Variants in SMG6 observed in about 807,000 individuals in gnomAD.
SMG6 encodes SMG6 nonsense mediated mRNA decay factor.
SMG6 carries 66 observed loss-of-function variants against 142.2 expected under a neutral mutation model. The ratio of observed to expected loss-of-function variants is 0.46; its 90% CI spans 0.38 to 0.57. The LOEUF is 0.57. SMG6 is among the 20% of genes least tolerant of loss of function. The pLI is 0.00. For missense variants in SMG6, 1,793 were observed against 1,832.0 expected, an observed-to-expected ratio of 0.98 and a Z score of 0.39; for synonymous variants, 779 against 702.4, an observed-to-expected ratio of 1.11 and a Z score of -1.72.
intron 13 of SMG6, among the ~76,000 whole-genome samples, chr17:2,132,372 C>A (rs1160312662): frequency 2.0e-5 from 3 of 152,178 alleles, no homozygotes; most frequent in Non-Finnish European, 4.4e-5. Flanking sequence ...AGCAACTTAA[C>A]AGCAGATGCG....
chr17:2,272,955 T>C (rs1469952347), intron 8 of SMG6, among the ~76,000 whole-genome samples: 5 of 151,802 alleles, frequency 3.3e-5, no homozygotes, highest in African/African-American at 1.2e-4. Flanking sequence ...GTCCTTTTCA[T>C]GGTGTATTTA....
At chr17:2,118,598 CTTTTT>C (rs35884470) in intron 13 of SMG6, among the ~76,000 whole-genome samples, 1 of 135,960 alleles carries the variant, frequency 7.4e-6, no homozygotes, top group African/African-American at 2.7e-5. Flanking sequence ...ATCTAGATAG[CTTTTT>C]TTTTTTTTTT....
intron 10 of SMG6, among the ~76,000 whole-genome samples, chr17:2,197,662 A>C (rs2151713359): frequency 6.6e-6 from 1 of 151,604 alleles, no homozygotes; most frequent in Non-Finnish European, 1.5e-5. Flanking sequence ...GAAAATGGGC[A>C]AAAAAAAAGA....
At chr17:2,211,273 TG>T (rs772938401) in intron 10 of SMG6, among the ~76,000 whole-genome samples, 3 of 152,092 alleles carry the variant, frequency 2.0e-5, no homozygotes, top group Admixed American at 6.6e-5. Flanking sequence ...GAACATTTTT[TG>T]GGAGGTAAAC....
intron 6 of SMG6, among the ~76,000 whole-genome samples, chr17:2,291,042 T>C (rs1031638885): frequency 1.3e-5 from 2 of 152,156 alleles, no homozygotes; most frequent in Non-Finnish European, 2.9e-5. Context: ...GAAAATGTTC[T>C]GACACATGGC....
At chr17:2,274,505 G>A (rs2074606629) in intron 8 of SMG6, among the ~76,000 whole-genome samples, 1 of 152,076 alleles carries the variant, frequency 6.6e-6, no homozygotes. Flanking sequence ...GAGAGAACAA[G>A]GTAAACAAAA....
At chr17:2,177,946 G>A (rs938480665) in intron 12 of SMG6, among the ~76,000 whole-genome samples, 1 of 152,178 alleles carries the variant, frequency 6.6e-6, no homozygotes, top group African/African-American at 2.4e-5. Flanking sequence ...GTCCACGCAG[G>A]GGTCAGAGGC....
At chr17:2,205,440 A>T (rs1282240242) in intron 10 of SMG6, among the ~76,000 whole-genome samples, 2 of 152,194 alleles carry the variant, frequency 1.3e-5, no homozygotes, top group Non-Finnish European at 2.9e-5. Context: ...TTATACCACA[A>T]TTCACAAAAG....
chr17:2,202,740 C>T (rs1329628763), intron 10 of SMG6, among the ~76,000 whole-genome samples: 1 of 152,178 alleles, frequency 6.6e-6, no homozygotes, highest in Non-Finnish European at 1.5e-5. Context: ...CAGAAAACCC[C>T]TGAGAATTGG....
chr17:2,081,187 G>A (rs186467025), intron 15 of SMG6, among the ~76,000 whole-genome samples: 2 of 152,102 alleles, frequency 1.3e-5, no homozygotes, highest in African/African-American at 2.4e-5. Flanking sequence ...TGTCTGCCCC[G>A]AGCCCTAGAG....
intron 10 of SMG6, among the ~76,000 whole-genome samples, chr17:2,226,085 G>C (rs187180776): frequency 5.3e-4 from 80 of 152,248 alleles, no homozygotes; most frequent in African/African-American, 1.9e-3. Context: ...AGACCAGCCT[G>C]ACCAACATGG....
chr17:2,107,748 G>C (rs1247698276), intron 13 of SMG6, among the ~76,000 whole-genome samples: 2 of 152,168 alleles, frequency 1.3e-5, no homozygotes, highest in Admixed American at 1.3e-4. Context: ...CCAATGGATG[G>C]GGCCAGAGAG....
At chr17:2,202,747 T>C (rs1013647432) in intron 10 of SMG6, among the ~76,000 whole-genome samples, 1 of 152,198 alleles carries the variant, frequency 6.6e-6, no homozygotes, top group Admixed American at 6.5e-5. Context: ...CCCCTGAGAA[T>C]TGGCACTGAT....
chr17:2,075,586 T>C (rs534441719), intron 15 of SMG6, among the ~76,000 whole-genome samples: 2 of 152,352 alleles, frequency 1.3e-5, no homozygotes, highest in East Asian at 3.9e-4. Flanking sequence ...CCACGCCTCA[T>C]GCCTGGAGGA....
chr17:2,296,203 CTT>C (rs2075139457), intron 4 of SMG6, among the ~76,000 whole-genome samples: 1 of 152,226 alleles, frequency 6.6e-6, no homozygotes, highest in Non-Finnish European at 1.5e-5. Context: ...TCGCTTCCCA[CTT>C]TGTTAGCTTT....
chr17:2,178,892 C>T (rs2071725497), intron 12 of SMG6, among the ~76,000 whole-genome samples: 1 of 152,200 alleles, frequency 6.6e-6, no homozygotes, highest in African/African-American at 2.4e-5. Context: ...GTAACCACTC[C>T]AACACGTCTT....
intron 8 of SMG6, among the ~76,000 whole-genome samples, chr17:2,258,048 C>T (rs796540742): frequency 4.2e-5 from 5 of 117,936 alleles, no homozygotes; most frequent in South Asian, 2.6e-4. Context: ...TACACACACA[C>T]ACACACACAC....
chr17:2,249,803 G>A (rs367925976), intron 8 of SMG6, among the ~76,000 whole-genome samples: 1 of 152,140 alleles, frequency 6.6e-6, no homozygotes, highest in Non-Finnish European at 1.5e-5. Flanking sequence ...AATTATTAAA[G>A]GTCTTCTGGC....
Position 2,285,071 on chromosome 17 carries a change from T to C in SMG6, c.2338-1336A>G, listed in dbSNP as rs796218586. Among the ~76,000 whole-genome samples the C allele has an allele frequency of 1.2e-4, 18 of 152,362 alleles. No individual in the cohort carries two copies. The South Asian group carries it at 3.7e-3, about 32-fold the overall frequency. On this transcript the variant is annotated intron_variant, in intron 6 of 18. Coordinates refer to ENST00000263073, the MANE Select transcript of SMG6 (RefSeq NM_017575.5). ...TTTTTCTTAGTGGAACAGAAGATAA[T>C]GGTGCATCTAACAATCAATTACATA...
Sources: allele counts gnomAD v4.1 joint callset (sites outside exome capture counted in the v4.1 genomes callset), GRCh38; gene constraint gnomAD v4.1.1; transcripts MANE v1.5; gene names NCBI Gene and HGNC (gene_info 2026-07-23, HGNC 2026-07-21).